The following ZSCAN31 variants were observed in gnomAD, a reference collection of about 807,000 sequenced individuals.
ZSCAN31 encodes zinc finger and SCAN domain containing 31, also known as zinc finger and SCAN domain-containing protein 31.
A neutral mutation model predicts 22.5 loss-of-function variants in ZSCAN31; 14 were observed. The ratio of observed to expected loss-of-function variants is 0.62; its 90% confidence interval spans 0.41 to 0.97. The LOEUF (loss-of-function observed/expected upper bound fraction) is 0.97. Among genes scored for constraint, ZSCAN31 ranks in the 50% least tolerant of loss-of-function variants. The probability of loss-of-function intolerance (pLI) is 0.00; values close to 1 mark genes in which losing one functional copy is unlikely to be tolerated. For missense variants in ZSCAN31, 424 were observed against 483.4 expected (o/e 0.88, Z 1.15); for synonymous variants, 168 against 169.8 (o/e 0.99, Z 0.08).
chr6:28,353,435 C>G (rs1366634256), intron 2 of ZSCAN31: 1 of 161,132 alleles, frequency 6.2e-6, no homozygotes, highest in African/African-American at 2.4e-5. Flanking sequence ...GCCCAGGTCT[C>G]ATGGCTTCTG....
At chr6:28,332,392 A>G (rs1763821860) in intron 1 of ZSCAN31, 1 of 152,270 alleles carries the variant, frequency 6.6e-6, no homozygotes, top group African/African-American at 2.4e-5. Context: ...CTTGATAGAC[A>G]TCTGACAAAT....
intron 3 of ZSCAN31, 149 bp downstream of exon 3, chr6:28,327,234 G>T: frequency 1.1e-6 from 1 of 873,090 alleles, no homozygotes; most frequent in Non-Finnish European, 1.8e-6. Flanking sequence ...GGCACAGGGA[G>T]GTTACCTGAC....
In ZSCAN31 at chr6:28,331,471, G is replaced by A. The variant is rs1763732505; in HGVS notation, c.-95-1693C>T. On this transcript the variant is annotated intron_variant, in intron 1 of 3. Transcript: ENST00000344279. This position sits in a 1 kb window ranked among gnomAD's most constrained non-coding sequence, Gnocchi z 4.8. ...TAAAGGAACGGTCCCTAACTTTATG[G>A]TATTTACCATGGGAAAGACAGACCT... Among the ~76,000 whole-genome samples, 1 of 152,132 alleles carries A rather than the reference G, an allele frequency of 6.6e-6. No homozygotes were observed. Among genetic ancestry groups the A allele is most frequent in the Non-Finnish European group, 1.5e-5 (1 of 68,022 alleles).
At position 28,329,614 on chromosome 6, in the gene ZSCAN31, C is replaced by G; in HGVS notation, c.70G>C (p.Glu24Gln). 1 of 1,614,224 alleles carries G rather than the reference C, an allele frequency of 6.2e-7. No individual in the cohort carries two copies. Among genetic ancestry groups the G allele is most frequent in the South Asian group, 1.1e-5 (1 of 91,086 alleles). ...KVEEDPIWDQ[E>Q]THLRGNNFSG... ...AAGTTGTTCCCTCGAAGGTGGGTTT[C>G]TTGGTCCCAGATAGGGTCTTCCTCC... Residue 24 changes from glutamate (E) to glutamine (Q), a missense_variant, in exon 2 of 4, where the codon GAA becomes CAA. Coordinates refer to ENST00000344279, the MANE Select transcript of ZSCAN31 (RefSeq NM_030899.5).
At position 28,351,397 on chromosome 6, in the gene ZSCAN31, C is replaced by T. The variant is rs900392790; in HGVS notation, c.-371+2465G>A. Among the ~76,000 whole-genome samples, 9 of 152,188 alleles carry T rather than the reference C, an allele frequency of 5.9e-5. No individual in the cohort carries two copies. Among genetic ancestry groups the T allele is most frequent in the African/African-American group, 9.6e-5 (4 of 41,456 alleles). ...TCTGGGTTGGGCTGTGGCTCTCTCTCGCCTTCCTTGACCCTACCTTAATGC... is the reference window on the plus strand; with the variant it reads ...TCTGGGTTGGGCTGTGGCTCTCTCTTGCCTTCCTTGACCCTACCTTAATGC... On this transcript the variant is annotated intron_variant, in intron 2 of 7. Coordinates refer to the ZSCAN31 transcript ENST00000396838. The surrounding 1 kb of genome is among the most constrained non-coding windows in gnomAD (Gnocchi z 4.6).
chr6:28,343,542 C>CTTTTTT (rs34131321), intron 2 of ZSCAN31, among the ~76,000 whole-genome samples: 13 of 105,854 alleles, frequency 1.2e-4, no homozygotes, highest in Non-Finnish European at 2.0e-4. Flanking sequence ...TTTTTTCTTT[C>CTTTTTT]TTTTTTTTTT....
At chr6:28,354,598 T>C (rs1765299709), upstream of ZSCAN31, among the ~76,000 whole-genome samples, 1 of 152,306 alleles carries the variant, frequency 6.6e-6, no homozygotes, top group Admixed American at 6.5e-5. Flanking sequence ...ACACATAAGC[T>C]CTGGGCACTT....
intron 2 of ZSCAN31, among the ~76,000 whole-genome samples, chr6:28,343,534 T>TTTTC (rs1297924017): frequency 6.9e-6 from 1 of 144,544 alleles, no homozygotes; most frequent in Non-Finnish European, 1.5e-5. Context: ...TTCTTTTTTT[T>TTTTC]TTTCTTTCTT....
chr6:28,354,343 C>G (rs6903652), upstream of ZSCAN31: 52,485 of 212,646 alleles, frequency 0.25, 7,386 homozygotes, highest in African/African-American at 0.4. Context: ...TCACGCTGGC[C>G]TGCATATCTG....
At chr6:28,341,976 G>A (rs10484542) in intron 2 of ZSCAN31, among the ~76,000 whole-genome samples, 15,126 of 152,126 alleles carry the variant, frequency 0.099, 1,112 homozygotes, top group East Asian at 0.31. Context: ...GGTAGAAAAC[G>A]TATTTATAAT....
Position 28,333,490 on chromosome 6 carries a change from TTA to T in ZSCAN31, c.-96+2590_-96+2591del, listed in dbSNP as rs1439258403. On this transcript the variant is annotated intron_variant, in intron 1 of 3. Transcript: ENST00000344279. The surrounding 1 kb of genome is among the most constrained non-coding windows in gnomAD (Gnocchi z 4.1). ...ATAAGTAAGGAGGCAAATAAAATAA[TTA>T]TGAGTTGTGATGATTACTGAGGATA... 6.6e-6 allele frequency among the ~76,000 whole-genome samples: 1 copy of T among 152,064 alleles called. No homozygotes were observed. Among genetic ancestry groups the T allele is most frequent in the Non-Finnish European group, 1.5e-5 (1 of 68,006 alleles).
At chr6:28,354,555 A>G (rs1232222174), upstream of ZSCAN31, among the ~76,000 whole-genome samples, 2 of 152,176 alleles carry the variant, frequency 1.3e-5, no homozygotes, top group Admixed American at 6.5e-5. Flanking sequence ...ACACAGGCCC[A>G]ATGTATACAT....
At position 28,351,696 on chromosome 6, in the gene ZSCAN31, TC is replaced by T. The variant is rs1765028966; in HGVS notation, c.-371+2165del. On this transcript the variant is annotated intron_variant, in intron 2 of 7. Transcript: ENST00000396838. This position sits in a 1 kb window ranked among gnomAD's most constrained non-coding sequence, Gnocchi z 4.6. ...TCCCTCTTTCCCTCTCTCCTTTCTTTCCCTCTCCCTCCTTTCTTTGTCTTCC... is the reference window on the plus strand; with the variant it reads ...TCCCTCTTTCCCTCTCTCCTTTCTTTCCTCTCCCTCCTTTCTTTGTCTTCC... Among the ~76,000 whole-genome samples, 1 of 151,650 alleles carries T rather than the reference TC, an allele frequency of 6.6e-6. No homozygotes were observed. Among genetic ancestry groups the T allele is most frequent in the Non-Finnish European group, 1.5e-5 (1 of 67,884 alleles).
At chr6:28,343,536 T>C (rs1764506104) in intron 2 of ZSCAN31, among the ~76,000 whole-genome samples, 1 of 143,542 alleles carries the variant, frequency 7.0e-6, no homozygotes, top group Admixed American at 7.1e-5. Flanking sequence ...CTTTTTTTTT[T>C]TCTTTCTTTT....
At position 28,331,495 on chromosome 6, in the gene ZSCAN31, C is replaced by A. The variant is rs1763735721; in HGVS notation, c.-95-1717G>T. ...GGTATTTACCATGGGAAAGACAGAC[C>A]TTAATAAAATATTCACATAAAATGA... On this transcript the variant is annotated intron_variant, in intron 1 of 3. Coordinates refer to ENST00000344279, the MANE Select transcript of ZSCAN31 (RefSeq NM_030899.5). This position sits in a 1 kb window ranked among gnomAD's most constrained non-coding sequence, Gnocchi z 4.8. Among the ~76,000 whole-genome samples, 1 of 152,098 alleles carries A rather than the reference C, an allele frequency of 6.6e-6. No homozygotes were observed. Among genetic ancestry groups the A allele is most frequent in the African/African-American group, 2.4e-5 (1 of 41,408 alleles).
At chr6:28,326,919 T>A in intron 3 of ZSCAN31, 65 bp from the exon 4 acceptor site, 2 of 1,385,020 alleles carry the variant, frequency 1.4e-6, no homozygotes, top group South Asian at 1.3e-5. Flanking sequence ...AATCATAGGA[T>A]GGAAATAGAA....
At chr6:28,327,265 A>G in intron 3 of ZSCAN31, 118 bp downstream of exon 3, 1 of 1,225,126 alleles carries the variant, frequency 8.2e-7, no homozygotes, top group Non-Finnish European at 1.1e-6. Context: ...TCACAGAACT[A>G]TTAAATGCAG....
Position 28,333,584 on chromosome 6 carries a change from T to C in ZSCAN31, c.-96+2498A>G, listed in dbSNP as rs1169170598. ...TTAGATGGGGTAGTGGGAAGTGAGG[T>C]AACATTTAAGCCAAGCCCTTAAGTG... On this transcript the variant is annotated intron_variant, in intron 1 of 3. Transcript: ENST00000344279. The surrounding 1 kb of genome is among the most constrained non-coding windows in gnomAD (Gnocchi z 4.1). 6.6e-6 allele frequency among the ~76,000 whole-genome samples: 1 copy of C among 152,060 alleles called. No individual in the cohort carries two copies. Among genetic ancestry groups the C allele is most frequent in the African/African-American group, 2.4e-5 (1 of 41,396 alleles).
Position 28,326,455 on chromosome 6 carries a change from G to A in ZSCAN31, c.932C>T (p.Thr311Ile), listed in dbSNP as rs749357016. Residue 311 changes from threonine (T) to isoleucine (I), a missense_variant, in exon 4 of 4, where the codon ACT becomes ATT. Transcript: ENST00000344279. ...GKAFSASNGL[T>I]RHRRIHTGEK... Reference sequence around the variant, plus strand: ...CCCTGTGTGGATTCTTCTGTGTCGAGTGAGGCCATTGCTGGCACTGAAGGC... The same window carrying A: ...CCCTGTGTGGATTCTTCTGTGTCGAATGAGGCCATTGCTGGCACTGAAGGC... The A allele has an allele frequency of 6.2e-7, 1 of 1,614,002 alleles. No homozygotes were observed. The highest frequency in any genetic ancestry group is 2.2e-5 in the East Asian group (1 of 44,856).
Sources: gnomAD v4.1 joint callset for allele counts (sites outside exome capture counted in the v4.1 genomes callset) on GRCh38, gnomAD v4.1.1 for gene constraint, Gnocchi (gnomAD v3.1) non-coding constraint, MANE v1.5 for transcripts, NCBI Gene and HGNC (gene_info 2026-07-23, HGNC 2026-07-21) for gene names.